The following TENM3 variants were observed in gnomAD, a reference collection of about 807,000 sequenced individuals.
TENM3 encodes the protein teneurin-3.
TENM3 carries 63 observed loss-of-function variants against 255.1 expected under a neutral mutation model. That is an observed-to-expected ratio of 0.25 (90% CI 0.20 to 0.30). TENM3 has a LOEUF of 0.30. Ranked by LOEUF, TENM3 falls within the 10% of genes least tolerant of loss-of-function variation. The pLI is 1.00. For missense variants in TENM3, 2,929 were observed against 3,461.1 expected (o/e 0.85, Z 3.86); for synonymous variants, 1,306 against 1,322.3 (o/e 0.99, Z 0.27).
chr4:181,448,193 G>A, the TENM3 span, among the ~76,000 whole-genome samples: 2 of 100,276 alleles, frequency 2.0e-5, no homozygotes, highest in East Asian at 3.3e-4. Context: ...TTGAGACGGA[G>A]TCTCGCTCTG....
the TENM3 span, among the ~76,000 whole-genome samples, chr4:181,764,193 T>C: frequency 6.6e-6 from 1 of 152,192 alleles, no homozygotes; most frequent in African/African-American, 2.4e-5. Flanking sequence ...TCATATTATA[T>C]TCACAAATTT....
At chr4:182,228,483 C>G (rs1262047072) in intron 1 of TENM3, among the ~76,000 whole-genome samples, 1 of 149,598 alleles carries the variant, frequency 6.7e-6, no homozygotes, top group Admixed American at 6.7e-5. Context: ...AGGTATTTTC[C>G]CTTCACATCC....
At chr4:181,767,144 C>T in the TENM3 span, among the ~76,000 whole-genome samples, 7 of 143,774 alleles carry the variant, frequency 4.9e-5, no homozygotes, top group South Asian at 2.3e-4. Context: ...CCCAGCTACT[C>T]GGGAGGCTGA....
intron 1 of TENM3, among the ~76,000 whole-genome samples, chr4:182,148,515 A>G (rs561997789): frequency 6.0e-4 from 92 of 152,234 alleles, no homozygotes; most frequent in Non-Finnish European, 1.1e-3. Flanking sequence ...TTTCTTGCCC[A>G]TCAAAGGATT....
chr4:181,981,769 A>G, the TENM3 span, among the ~76,000 whole-genome samples: 2 of 152,188 alleles, frequency 1.3e-5, no homozygotes, highest in African/African-American at 2.4e-5. Flanking sequence ...ACAAGAGACT[A>G]TAACAAGGAT....
At chr4:182,214,388 A>G (rs1222500089) in intron 1 of TENM3, among the ~76,000 whole-genome samples, 1 of 152,174 alleles carries the variant, frequency 6.6e-6, no homozygotes, top group Non-Finnish European at 1.5e-5. Context: ...GAAAAGTTGA[A>G]TGGACATCAG....
intron 3 of TENM3, among the ~76,000 whole-genome samples, chr4:182,358,531 G>A (rs113952211): frequency 2.3e-4 from 35 of 152,122 alleles, no homozygotes; most frequent in Middle Eastern, 3.4e-3. Flanking sequence ...TCTGTTATCG[G>A]TGTATAAGAA....
chr4:182,015,438 T>C, the TENM3 span, among the ~76,000 whole-genome samples: 2 of 152,364 alleles, frequency 1.3e-5, no homozygotes, highest in South Asian at 4.1e-4. Context: ...TTTGGACTTC[T>C]TACTGGATTT....
the TENM3 span, among the ~76,000 whole-genome samples, chr4:181,560,546 A>G: frequency 2.6e-5 from 4 of 152,204 alleles, no homozygotes; most frequent in Non-Finnish European, 5.9e-5. Flanking sequence ...TCCCGGAGAC[A>G]TGCTCTCCAT....
chr4:182,507,227 T>C (rs1736925434), intron 3 of TENM3, among the ~76,000 whole-genome samples: 1 of 152,212 alleles, frequency 6.6e-6, no homozygotes, highest in Non-Finnish European at 1.5e-5. Context: ...GAATGAATGC[T>C]AACATTTTTC....
At chr4:182,343,697 A>C (rs1764624432) in intron 2 of TENM3, among the ~76,000 whole-genome samples, 1 of 128,708 alleles carries the variant, frequency 7.8e-6, no homozygotes, top group Non-Finnish European at 1.5e-5. Flanking sequence ...TATTCTCTCC[A>C]TCTTCCCTGC....
chr4:182,104,544 C>T, the TENM3 span, among the ~76,000 whole-genome samples: 2 of 116,292 alleles, frequency 1.7e-5, no homozygotes, highest in Admixed American at 1.2e-4. Context: ...CAGAGTCTTG[C>T]TCTGTTGCCC....
chr4:182,125,844 A>G, the TENM3 span, among the ~76,000 whole-genome samples: 1 of 151,872 alleles, frequency 6.6e-6, no homozygotes, highest in African/African-American at 2.4e-5. Flanking sequence ...GGGGCCAAAA[A>G]TAAATGATAA....
the TENM3 span, among the ~76,000 whole-genome samples, chr4:181,923,952 T>C: frequency 1.3e-5 from 2 of 152,122 alleles, no homozygotes; most frequent in Non-Finnish European, 2.9e-5. Context: ...ATTATATGAG[T>C]ATACTAATTT....
At chr4:182,329,329 G>A (rs942013904) in intron 2 of TENM3, among the ~76,000 whole-genome samples, 1 of 152,278 alleles carries the variant, frequency 6.6e-6, no homozygotes, top group African/African-American at 2.4e-5. Context: ...CCCTCCCATG[G>A]CCCCCACTTG....
chr4:182,292,135 T>C (rs569314821), intron 1 of TENM3, among the ~76,000 whole-genome samples: 102 of 152,214 alleles, frequency 6.7e-4, no homozygotes, highest in Non-Finnish European at 1.3e-3. Flanking sequence ...AATTTGGCAC[T>C]GCTATATTTC....
chr4:181,680,493 C>G, the TENM3 span, among the ~76,000 whole-genome samples: 3 of 152,150 alleles, frequency 2.0e-5, no homozygotes, highest in Admixed American at 2.0e-4. Context: ...TTAAGGATGT[C>G]TTGCCGAAGC....
intron 3 of TENM3, among the ~76,000 whole-genome samples, chr4:182,555,785 C>A (rs1416968876): frequency 1.3e-5 from 2 of 151,354 alleles, no homozygotes; most frequent in African/African-American, 4.9e-5. Flanking sequence ...TTTTAAATTT[C>A]CTGAAAATTA....
the TENM3 span, among the ~76,000 whole-genome samples, chr4:181,577,072 AAAT>A: frequency 9.0e-6 from 1 of 110,856 alleles, no homozygotes; most frequent in Non-Finnish European, 1.8e-5. Context: ...TATTATATAT[AAAT>A]AATATATAAT....
Sources: gnomAD v4.1 joint callset for allele counts (sites outside exome capture counted in the v4.1 genomes callset) on GRCh38, gnomAD v4.1.1 for gene constraint, MANE v1.5 for transcripts, NCBI Gene and HGNC (gene_info 2026-07-23, HGNC 2026-07-21) for gene names.